The following PDCD1LG2 variants were observed in gnomAD, a reference collection of about 807,000 sequenced individuals.
PDCD1LG2 encodes the protein programmed cell death 1 ligand 2, also known as B7 dendritic cell molecule.
PDCD1LG2 carries 32 observed loss-of-function variants against 28.2 expected under a neutral mutation model. The observed-to-expected ratio is 1.13, with a 90% CI of 0.86 to 1.52. The LOEUF (loss-of-function observed/expected upper bound fraction) is 1.52, where lower values mean the gene tolerates loss of function less well. Ranked by LOEUF, PDCD1LG2 falls within the 40% of genes most tolerant of loss-of-function variation. PDCD1LG2 has a pLI of 0.00. For missense variants in PDCD1LG2, 385 were observed against 323.8 expected, an observed-to-expected ratio of 1.19 and a Z score of -1.45; for synonymous variants, 116 against 120.2, an observed-to-expected ratio of 0.97 and a Z score of 0.23.
intron 5 of PDCD1LG2, among the ~76,000 whole-genome samples, chr9:5,562,905 T>C (rs1816593517): frequency 1.3e-5 from 2 of 152,138 alleles, no homozygotes; most frequent in Non-Finnish European, 2.9e-5. Context: ...CCCAAATTAG[T>C]CCCTCAGCCT....
At chr9:5,525,780 G>A (rs538489435) in intron 2 of PDCD1LG2, among the ~76,000 whole-genome samples, 22 of 152,248 alleles carry the variant, frequency 1.4e-4, no homozygotes, top group Admixed American at 1.1e-3. Flanking sequence ...CGGGCATGGT[G>A]GCTCACGCCT....
chr9:5,549,198 C>A, intron 3 of PDCD1LG2, 137 bp from the exon 4 acceptor site: 1 of 804,030 alleles, frequency 1.2e-6, no homozygotes, highest in Non-Finnish European at 2.0e-6. Flanking sequence ...CAGGGATATA[C>A]AATGTGTTTA....
At chr9:5,544,643 G>T (rs549699323) in intron 3 of PDCD1LG2, among the ~76,000 whole-genome samples, 5 of 152,286 alleles carry the variant, frequency 3.3e-5, no homozygotes, top group African/African-American at 9.6e-5. Context: ...TTGTGTATTG[G>T]GTGGTAAAAG....
At chr9:5,563,272 TA>T in intron 6 of PDCD1LG2, 61 bp downstream of exon 6, 2 of 1,377,956 alleles carry the variant, frequency 1.5e-6, no homozygotes, top group Non-Finnish European at 1.0e-6. Flanking sequence ...GCTTGAATTT[TA>T]AAGTAACCAC....
chr9:5,541,610 C>T (rs906587687), intron 3 of PDCD1LG2, among the ~76,000 whole-genome samples: 11 of 152,072 alleles, frequency 7.2e-5, no homozygotes, highest in African/African-American at 9.7e-5. Context: ...ATATACCTAA[C>T]GAAGGACATG....
chr9:5,549,909 G>A (rs1283584864), intron 4 of PDCD1LG2, among the ~76,000 whole-genome samples: 1 of 152,172 alleles, frequency 6.6e-6, no homozygotes, highest in Non-Finnish European at 1.5e-5. Flanking sequence ...GAAACTGGAT[G>A]AATGAATACC....
intron 4 of PDCD1LG2, among the ~76,000 whole-genome samples, chr9:5,554,542 A>AGTATGGTGG (rs1171090818): frequency 1.5e-4 from 23 of 152,214 alleles, no homozygotes; most frequent in Admixed American, 6.5e-5. Context: ...GGAAACGAAG[A>AGTATGGTGG]GTATGGTGGG....
intron 3 of PDCD1LG2, among the ~76,000 whole-genome samples, chr9:5,536,763 G>A (rs769652655): frequency 2.0e-5 from 3 of 152,134 alleles, no homozygotes; most frequent in Non-Finnish European, 4.4e-5. Flanking sequence ...GGGATATTTG[G>A]GGATTACAAA....
chr9:5,563,845 T>A (rs765741021), intron 6 of PDCD1LG2, among the ~76,000 whole-genome samples: 4 of 152,208 alleles, frequency 2.6e-5, no homozygotes, highest in Admixed American at 6.5e-5. Flanking sequence ...CCATCTTTTC[T>A]GGGAAACCTC....
At chr9:5,536,255 T>C (rs1820578051) in intron 3 of PDCD1LG2, among the ~76,000 whole-genome samples, 1 of 152,180 alleles carries the variant, frequency 6.6e-6, no homozygotes, top group East Asian at 1.9e-4. Flanking sequence ...CACACAGGAT[T>C]GTTGTCAACA....
At chr9:5,513,122 C>A (rs544839771) in intron 1 of PDCD1LG2, among the ~76,000 whole-genome samples, 3 of 152,286 alleles carry the variant, frequency 2.0e-5, no homozygotes, top group African/African-American at 7.2e-5. Context: ...TTGGTATTGT[C>A]ACTTAGTTTT....
rs2129791886 is a variant in PDCD1LG2, at chr9:5,534,751, T to G, written c.62T>G (p.Phe21Cys). ...TATCTTGTTTTCTTTTCAGCTTTAT[T>G]CACAGTGACAGTCCCTAAGGAACTG... Reference protein sequence around the residue: ...ELQLHQIAALFTVTVPKELYI... With the variant: ...ELQLHQIAALCTVTVPKELYI... The change falls in exon 3 of 7, where the codon TTC becomes TGC. Residue 21 changes from phenylalanine (F) to cysteine (C), a missense_variant. Transcript: ENST00000397747. 1 of 1,595,624 alleles carries G rather than the reference T, an allele frequency of 6.3e-7. No homozygotes were observed. Among genetic ancestry groups the G allele is most frequent in the East Asian group, 2.2e-5 (1 of 44,570 alleles).
At chr9:5,525,076 A>G (rs531888871) in intron 2 of PDCD1LG2, among the ~76,000 whole-genome samples, 2 of 152,238 alleles carry the variant, frequency 1.3e-5, no homozygotes, top group Non-Finnish European at 2.9e-5. Context: ...GGCCAGGCGC[A>G]GTGGCTCACG....
At chr9:5,542,185 A>T (rs555891856) in intron 3 of PDCD1LG2, among the ~76,000 whole-genome samples, 1 of 152,338 alleles carries the variant, frequency 6.6e-6, no homozygotes, top group East Asian at 1.9e-4. Context: ...TCAACTCAAG[A>T]TGGATCAAAG....
intron 1 of PDCD1LG2, among the ~76,000 whole-genome samples, chr9:5,513,126 T>G (rs893981561): frequency 2.0e-5 from 3 of 152,346 alleles, no homozygotes; most frequent in Admixed American, 1.3e-4. Flanking sequence ...TATTGTCACT[T>G]AGTTTTTGAG....
At chr9:5,521,111 A>G (rs1820265309) in intron 1 of PDCD1LG2, among the ~76,000 whole-genome samples, 1 of 152,206 alleles carries the variant, frequency 6.6e-6, no homozygotes. Flanking sequence ...AAAGCCAGCC[A>G]CAAAAGTCCA....
chr9:5,565,658 A>G (rs552717966), intron 6 of PDCD1LG2, among the ~76,000 whole-genome samples: 1 of 152,222 alleles, frequency 6.6e-6, no homozygotes, highest in Non-Finnish European at 1.5e-5. Flanking sequence ...TCAATATAAT[A>G]AAGTGGGATA....
At chr9:5,535,818 A>G (rs1820569537) in intron 3 of PDCD1LG2, among the ~76,000 whole-genome samples, 1 of 152,212 alleles carries the variant, frequency 6.6e-6, no homozygotes, top group South Asian at 2.1e-4. Flanking sequence ...TCTCCACTCC[A>G]GCACAATTGA....
intron 6 of PDCD1LG2, among the ~76,000 whole-genome samples, chr9:5,565,783 G>T (rs1217950155): frequency 6.6e-6 from 1 of 151,822 alleles, no homozygotes; most frequent in African/African-American, 2.4e-5. Context: ...GACCAAATTT[G>T]ACTAAATACT....
Sources: allele counts gnomAD v4.1 joint callset (sites outside exome capture counted in the v4.1 genomes callset), GRCh38; gene constraint gnomAD v4.1.1; transcripts MANE v1.5; gene names NCBI Gene and HGNC (gene_info 2026-07-23, HGNC 2026-07-21).